The following IQSEC1 variants were observed in gnomAD, a reference collection of about 807,000 sequenced individuals.
The protein encoded by IQSEC1 is IQ motif and Sec7 domain ArfGEF 1, also known as IQ motif and SEC7 domain-containing protein 1.
IQSEC1 carries 31 observed loss-of-function variants against 91.0 expected under a neutral mutation model. The observed-to-expected ratio is 0.34, with a 90% CI of 0.26 to 0.46. IQSEC1 has a LOEUF of 0.46. Ranked by LOEUF, IQSEC1 falls within the 20% of genes least tolerant of loss-of-function variation. The pLI, the probability that IQSEC1 is intolerant of heterozygous loss-of-function variation, is 1.00. For synonymous variants in IQSEC1, 699 were observed against 662.6 expected (o/e 1.05, Z -0.84); for missense variants, 1,388 against 1,575.6 (o/e 0.88, Z 2.02).
chr3:13,091,029 C>T (rs1004014070), intron 2 of IQSEC1, among the ~76,000 whole-genome samples: 1 of 152,184 alleles, frequency 6.6e-6, no homozygotes, highest in Non-Finnish European at 1.5e-5. Context: ...CTCCTCCTCA[C>T]CGCCCACACT....
chr3:13,120,554 C>T (rs539735801), intron 2 of IQSEC1, among the ~76,000 whole-genome samples: 1 of 149,748 alleles, frequency 6.7e-6, no homozygotes, highest in South Asian at 2.1e-4. Flanking sequence ...TCTTCCTCTT[C>T]CCCGAGGAGG....
At chr3:12,942,341 A>G (rs922966342) in intron 1 of IQSEC1, among the ~76,000 whole-genome samples, 7 of 152,086 alleles carry the variant, frequency 4.6e-5, no homozygotes, top group African/African-American at 1.4e-4. Flanking sequence ...GGTGGCTCAC[A>G]CCTGTAATCC....
chr3:12,929,324 G>C (rs897733334), intron 3 of IQSEC1, among the ~76,000 whole-genome samples: 3 of 152,214 alleles, frequency 2.0e-5, no homozygotes, highest in African/African-American at 4.8e-5. Flanking sequence ...GAACTCACCC[G>C]GGGTGATGCC....
Position 12,909,161 on chromosome 3 carries a change from G to T in IQSEC1, c.2578+112C>A, listed in dbSNP as rs917488249. 2 of 1,165,060 alleles carry T rather than the reference G, an allele frequency of 1.7e-6. No individual in the cohort carries two copies. The highest frequency in any genetic ancestry group is 2.5e-6 in the Non-Finnish European group (2 of 805,756). The allele number at this position is 1,165,060 out of a possible 1,614,324, so 72.2% of individuals were successfully genotyped here. On this transcript the variant is annotated intron_variant, in intron 11 of 13. Coordinates refer to ENST00000613206, the MANE Select transcript of IQSEC1 (RefSeq NM_001134382.3). The surrounding 1 kb of genome is among the most constrained non-coding windows in gnomAD (Gnocchi z 4.9). ...TGTGGCCATAGGGAAGGCCAGAAAA[G>T]ACTGGGGGACATCTTGTCTCTGTGA...
chr3:13,108,402 G>A (rs1396739206), intron 2 of IQSEC1, among the ~76,000 whole-genome samples: 1 of 152,108 alleles, frequency 6.6e-6, no homozygotes, highest in African/African-American at 2.4e-5. Flanking sequence ...AATTATGGGT[G>A]GAAACATGTG....
At chr3:13,256,882 G>C (rs1016847502) in intron 1 of IQSEC1, among the ~76,000 whole-genome samples, 1 of 88,846 alleles carries the variant, frequency 1.1e-5, no homozygotes, top group East Asian at 3.1e-4. Flanking sequence ...CACCAGCAGC[G>C]GGTGCAGCAC....
At chr3:13,196,103 TTCTC>T (rs1694120313) in intron 1 of IQSEC1, among the ~76,000 whole-genome samples, 2 of 152,176 alleles carry the variant, frequency 1.3e-5, no homozygotes, top group Admixed American at 6.5e-5. Context: ...CCTCTTCTCT[TTCTC>T]TCTTTCTCTG....
At chr3:12,980,909 G>A (rs879433158) in intron 1 of IQSEC1, among the ~76,000 whole-genome samples, 1 of 152,184 alleles carries the variant, frequency 6.6e-6, no homozygotes, top group Admixed American at 6.5e-5. Context: ...AGCCGATCCT[G>A]CCTCTTGACC....
At chr3:13,138,287 CGAGTGGA>C (rs1706743485) in intron 2 of IQSEC1, among the ~76,000 whole-genome samples, 1 of 150,822 alleles carries the variant, frequency 6.6e-6, no homozygotes, top group African/African-American at 2.4e-5. Flanking sequence ...ACCTACTTAC[CGAGTGGA>C]GAGTCCCTCC....
intron 12 of IQSEC1, among the ~76,000 whole-genome samples, chr3:12,904,672 C>T (rs770067145): frequency 9.8e-5 from 15 of 152,304 alleles, no homozygotes; most frequent in Admixed American, 3.3e-4. Flanking sequence ...AGGGACAGAG[C>T]GCCAATGTCT....
intron 8 of IQSEC1, among the ~76,000 whole-genome samples, chr3:12,914,412 C>T (rs1695870348): frequency 6.6e-6 from 1 of 152,180 alleles, no homozygotes; most frequent in Admixed American, 6.5e-5. Context: ...CAGGGGTGCT[C>T]TAGGCCAGGG....
At chr3:13,217,876 T>C (rs1033245947) in intron 1 of IQSEC1, among the ~76,000 whole-genome samples, 1 of 152,178 alleles carries the variant, frequency 6.6e-6, no homozygotes, top group Non-Finnish European at 1.5e-5. Flanking sequence ...CACCCCAAGC[T>C]GATCCCTGAA....
At chr3:12,946,743 G>C (rs1276185071) in intron 1 of IQSEC1, among the ~76,000 whole-genome samples, 1 of 152,120 alleles carries the variant, frequency 6.6e-6, no homozygotes, top group Non-Finnish European at 1.5e-5. Context: ...TGATGTGGCC[G>C]AGAAGCCAGT....
chr3:13,231,298 T>C lies in IQSEC1; in HGVS notation c.272+51413A>G, dbSNP rs116645339. ...GTGTGTCTGTGTGTGTGCCCACGTGTGCACACATGTGTGCATCTGTCTCTC... is the reference window on the plus strand; with the variant it reads ...GTGTGTCTGTGTGTGTGCCCACGTGCGCACACATGTGTGCATCTGTCTCTC... On this transcript the variant is annotated intron_variant, in intron 1 of 15. Coordinates refer to the IQSEC1 transcript ENST00000648114. 6.9e-3 allele frequency among the ~76,000 whole-genome samples: 1,052 copies of C among 152,310 alleles called. 13 individuals are homozygous for C. Among genetic ancestry groups the C allele is most frequent in the African/African-American group, 0.023 (976 of 41,566 alleles).
rs190009621 is a variant in IQSEC1 at position 12,903,572 on chromosome 3, G to A, written c.2756-750C>T. ...GTCACGCCCCAGCGCAGAGCACACA[G>A]TAGGCACTCGGCATGCGGGGTCCGT... On this transcript the variant is annotated intron_variant, in intron 12 of 13. Transcript: ENST00000613206. 9.1e-4 allele frequency among the ~76,000 whole-genome samples: 138 copies of A among 152,360 alleles called. 1 individual carries two copies. The highest frequency in any genetic ancestry group is 3.2e-3 in the African/African-American group (135 of 41,586).
At chr3:13,227,948 C>T (rs1179842534) in intron 1 of IQSEC1, among the ~76,000 whole-genome samples, 2 of 152,100 alleles carry the variant, frequency 1.3e-5, no homozygotes, top group African/African-American at 2.4e-5. Flanking sequence ...TTGCCGAGGA[C>T]CCCCCACCAT....
In IQSEC1 at chr3:13,090,227, A is replaced by AC. The variant is rs1335161125; in HGVS notation, c.303-42706_303-42705insG. Reference sequence around the variant, plus strand: ...AGCAAGACTCTGTCTCAAAAAAAATAAAACAACAAAAACAAACTACTGTAT... The same window carrying AC: ...AGCAAGACTCTGTCTCAAAAAAAATACAAACAACAAAAACAAACTACTGTAT... On this transcript the variant is annotated intron_variant, in intron 2 of 15. Transcript: ENST00000648114. Among the ~76,000 whole-genome samples the AC allele has an allele frequency of 8.4e-5, 11 of 131,648 alleles. No homozygotes were observed. The South Asian group carries it at 1.8e-3, about 21-fold the overall frequency. The allele number at this position is 131,648 out of a possible 152,430, so 86.4% of individuals were successfully genotyped here.
intron 2 of IQSEC1, among the ~76,000 whole-genome samples, chr3:13,125,941 G>A (rs763817397): frequency 6.6e-6 from 1 of 152,218 alleles, no homozygotes; most frequent in Non-Finnish European, 1.5e-5. Flanking sequence ...AGAGGAAAAA[G>A]ATGCCTCCTG....
chr3:13,155,270 C>G lies in IQSEC1; in HGVS notation c.302+8834G>C, dbSNP rs575980216. 5.1e-4 allele frequency among the ~76,000 whole-genome samples: 77 copies of G among 152,200 alleles called. 1 individual carries two copies. Among genetic ancestry groups the G allele is most frequent in the African/African-American group, 1.8e-3 (76 of 41,532 alleles). On this transcript the variant is annotated intron_variant, in intron 2 of 15. Coordinates refer to the IQSEC1 transcript ENST00000648114. ...CTTAGATTGACCAAGAATAAAAAGA[C>G]TCAACTAAAATCAGAAGTGAAAGTT...
Sources: allele counts gnomAD v4.1 joint callset (sites outside exome capture counted in the v4.1 genomes callset), GRCh38; gene constraint gnomAD v4.1.1; non-coding constraint Gnocchi (gnomAD v3.1); transcripts MANE v1.5; gene names NCBI Gene and HGNC (gene_info 2026-07-23, HGNC 2026-07-21).